PRKCZ: variants seen among roughly 807,000 people sequenced by gnomAD.
The protein encoded by PRKCZ is protein kinase C zeta type.
Under a neutral mutation model 79.5 loss-of-function variants are expected in PRKCZ, and 33 were observed. That is an observed-to-expected ratio of 0.41 (90% CI 0.31 to 0.55). PRKCZ has a LOEUF of 0.55. PRKCZ is among the 20% of genes least tolerant of loss of function. The pLI is 0.19. For synonymous variants in PRKCZ, 342 were observed against 320.9 expected (o/e 1.07, Z -0.70); for missense variants, 578 against 813.5 (o/e 0.71, Z 3.52).
intron 4 of PRKCZ, 127 bp from the exon 5 acceptor site, chr1:2,135,135 G>GC (rs1675915605): frequency 2.7e-6 from 2 of 730,294 alleles, no homozygotes; most frequent in Non-Finnish European, 4.5e-6. Flanking sequence ...TTCCAGCCCT[G>GC]CCTTCCCTGC....
intron 3 of PRKCZ, among the ~76,000 whole-genome samples, chr1:2,057,830 G>A (rs1450377288): frequency 4.7e-5 from 7 of 149,768 alleles, no homozygotes; most frequent in Non-Finnish European, 1.0e-4. Context: ...TCAGCCTCCC[G>A]AGTAGCTGGG....
intron 4 of PRKCZ, among the ~76,000 whole-genome samples, chr1:2,122,649 T>C (rs1440151115): frequency 2.0e-4 from 1 of 4,972 alleles, no homozygotes; most frequent in Non-Finnish European, 3.2e-4. Context: ...TGGTTAGGGT[T>C]GTGGTGGTTA....
At chr1:2,058,372 G>A (rs1440571390) in intron 3 of PRKCZ, among the ~76,000 whole-genome samples, 1 of 151,102 alleles carries the variant, frequency 6.6e-6, no homozygotes, top group Non-Finnish European at 1.5e-5. Context: ...CAGTTACTCG[G>A]GAGGCTGAGG....
chr1:2,100,627 C>T (rs1016721573), intron 4 of PRKCZ, among the ~76,000 whole-genome samples: 2 of 152,126 alleles, frequency 1.3e-5, no homozygotes, highest in South Asian at 2.1e-4. Context: ...AGCGGGGCCT[C>T]GGGGAGCAGG....
intron 4 of PRKCZ, among the ~76,000 whole-genome samples, chr1:2,093,816 G>T (rs1396009937): frequency 2.6e-5 from 4 of 152,000 alleles, no homozygotes; most frequent in Non-Finnish European, 2.9e-5. Flanking sequence ...CCTGTGCTTG[G>T]AGCTGCATCG....
Position 2,082,016 on chromosome 1 carries a change from T to C in PRKCZ, c.334+22425T>C, listed in dbSNP as rs955779465. On this transcript the variant is annotated intron_variant, in intron 4 of 17. Transcript: ENST00000378567. This position sits in a 1 kb window ranked among gnomAD's most constrained non-coding sequence, Gnocchi z 4.4. The stretch of plus-strand genomic sequence containing the variant: ...GTTCAGTTCTCTTGCATTGCATAAT[T>C]TGTTCATATTAAAGCAGGCTTGATC... Among the ~76,000 whole-genome samples, 1 of 152,248 alleles carries C rather than the reference T, an allele frequency of 6.6e-6. No individual in the cohort carries two copies. Among genetic ancestry groups the C allele is most frequent in the African/African-American group, 2.4e-5 (1 of 41,470 alleles).
chr1:2,166,943 G>A (rs1246767451), intron 10 of PRKCZ, among the ~76,000 whole-genome samples: 8 of 152,248 alleles, frequency 5.3e-5, no homozygotes, highest in Admixed American at 5.2e-4. Context: ...AGCGTGAGGA[G>A]AGGAGTGGGC....
chr1:2,103,016 C>T (rs567679678), intron 4 of PRKCZ, among the ~76,000 whole-genome samples: 37 of 152,268 alleles, frequency 2.4e-4, no homozygotes, highest in African/African-American at 7.9e-4. Flanking sequence ...ACTTCAGGCG[C>T]GCACCACCAC....
chr1:2,158,721 CCT>C (rs1490714599), intron 10 of PRKCZ, among the ~76,000 whole-genome samples: 7 of 152,286 alleles, frequency 4.6e-5, no homozygotes, highest in Middle Eastern at 3.4e-3. Flanking sequence ...CCTCACTTCC[CCT>C]GAGTGGCCCA....
intron 16 of PRKCZ, among the ~76,000 whole-genome samples, chr1:2,176,693 C>T (rs1330456230): frequency 1.3e-5 from 2 of 152,244 alleles, no homozygotes; most frequent in African/African-American, 2.4e-5. Context: ...CCTCGGCCAG[C>T]GTGGGAGGTC....
chr1:2,156,323 A>G (rs1681039298), intron 10 of PRKCZ: 1 of 433,400 alleles, frequency 2.3e-6, no homozygotes, highest in Admixed American at 3.4e-5. Context: ...TACTGGAGGT[A>G]TCCCACTGAG....
intron 4 of PRKCZ, chr1:2,134,681 A>T (rs1571711108): frequency 6.6e-6 from 1 of 152,380 alleles, no homozygotes; most frequent in African/African-American, 2.4e-5. Context: ...ATTAGGTTAA[A>T]GGAAACTCGA....
chr1:2,095,807 C>T lies in PRKCZ; in HGVS notation c.334+36216C>T, dbSNP rs533776176. Among the ~76,000 whole-genome samples, 59 of 142,532 alleles carry T rather than the reference C, an allele frequency of 4.1e-4. 3 individuals are homozygous for T. The South Asian group carries it at 0.011, about 28-fold the overall frequency. The allele number at this position is 142,532 out of a possible 152,430, so 93.5% of individuals were successfully genotyped here. A position where few individuals can be genotyped will look rare whatever the true frequency, so the allele number is the denominator to read the frequency against. ...CCTCTGCCCTCTGCTCCCCTCTCCT[C>T]CCTTCCCCTCCTGTCCCTTCCCCTC... On this transcript the variant is annotated intron_variant, in intron 4 of 17. Transcript: ENST00000378567.
In PRKCZ at chr1:2,171,536, T is replaced by G. The variant is rs554426013; in HGVS notation, c.1062-519T>G. 3 of 152,832 alleles carry G rather than the reference T, an allele frequency of 2.0e-5. No homozygotes were observed. The East Asian group carries it at 6.0e-4, about 31-fold the overall frequency. 9.5% of individuals were successfully genotyped at this position (152,832 alleles called of 1,614,324 possible). A position where few individuals can be genotyped will look rare whatever the true frequency, so the allele number is the denominator to read the frequency against. On this transcript the variant is annotated intron_variant, in intron 11 of 17. Coordinates refer to ENST00000378567, the MANE Select transcript of PRKCZ (RefSeq NM_002744.6). ...GTGCGCCACCATACCCGGCTAATTT[T>G]TTTGTATTTTTAGTAGAGACGGAGT...
intron 4 of PRKCZ, among the ~76,000 whole-genome samples, chr1:2,062,254 C>T (rs1010471224): frequency 6.6e-5 from 10 of 152,096 alleles, no homozygotes; most frequent in Non-Finnish European, 1.3e-4. Flanking sequence ...CGTCATCGGT[C>T]ACTCCCTGTT....
chr1:2,053,401 G>A (rs1557467101), intron 1 of PRKCZ, among the ~76,000 whole-genome samples: 2 of 152,188 alleles, frequency 1.3e-5, no homozygotes, highest in Non-Finnish European at 2.9e-5. Flanking sequence ...GCCTGGCCCA[G>A]CTCAGACAAC....
At chr1:2,063,907 A>G (rs1218250840) in intron 4 of PRKCZ, among the ~76,000 whole-genome samples, 1 of 142,554 alleles carries the variant, frequency 7.0e-6, no homozygotes, top group African/African-American at 2.7e-5. Flanking sequence ...GTGCAGTGGC[A>G]CGATCATGGC....
intron 4 of PRKCZ, among the ~76,000 whole-genome samples, chr1:2,118,754 T>TGTGTGTGA (rs1440503754): frequency 1.5e-5 from 2 of 135,960 alleles, no homozygotes; most frequent in Non-Finnish European, 3.1e-5. Flanking sequence ...TGTGTGTGTG[T>TGTGTGTGA]GAGATGAGGG....
Position 2,148,866 on chromosome 1 carries a change from C to G in PRKCZ, c.635-6C>G, listed in dbSNP as rs377676396. On this transcript the variant is annotated splice_region_variant and splice_polypyrimidine_tract_variant and intron_variant, in intron 7 of 17. Coordinates refer to ENST00000378567, the MANE Select transcript of PRKCZ (RefSeq NM_002744.6). ...AACGCCCCTTCCTTCCTCCCTCTCT[C>G]ACCAGTTGCTTACATTTCCTCATCC... is the stretch of plus-strand genomic sequence containing the variant. The G allele has an allele frequency of 4.3e-6, 7 of 1,613,766 alleles. No homozygotes were observed. The highest frequency in any genetic ancestry group is 5.9e-6 in the Non-Finnish European group (7 of 1,179,842).
Sources: gnomAD v4.1 joint callset for allele counts (sites outside exome capture counted in the v4.1 genomes callset) on GRCh38, gnomAD v4.1.1 for gene constraint, Gnocchi (gnomAD v3.1) non-coding constraint, MANE v1.5 for transcripts, NCBI Gene and HGNC (gene_info 2026-07-23, HGNC 2026-07-21) for gene names.